Variants in GGA3 observed in about 807,000 individuals in gnomAD.
The protein encoded by GGA3 is golgi associated, gamma adaptin ear containing, ARF binding protein 3.
In GGA3, 57 loss-of-function variants were observed where a neutral mutation model predicts 77.5. That is an observed-to-expected ratio of 0.74 (90% CI 0.59 to 0.92). GGA3 has a LOEUF of 0.92. GGA3 is among the 40% of genes least tolerant of loss of function. GGA3 has a pLI of 0.00. For missense variants in GGA3, 970 were observed against 914.9 expected, an observed-to-expected ratio of 1.06 and a Z score of -0.78; for synonymous variants, 416 against 383.7, an observed-to-expected ratio of 1.08 and a Z score of -0.98.
At chr17:75,242,803 C>T (rs1214071024) in intron 7 of GGA3, 28 bp downstream of exon 7, 3 of 1,571,158 alleles carry the variant, frequency 1.9e-6, no homozygotes, top group East Asian at 2.2e-5. Flanking sequence ...TCCTCCACCC[C>T]GTGCCTGAAG....
chr17:75,247,138 T>C (rs143987076), intron 1 of GGA3, among the ~76,000 whole-genome samples: 4 of 151,852 alleles, frequency 2.6e-5, no homozygotes, highest in African/African-American at 7.2e-5. Context: ...GTAAAGATAA[T>C]AAAGGGAACT....
chr17:75,237,909 T>G lies in GGA3; in HGVS notation c.*370A>C. On this transcript the variant is annotated 3_prime_UTR_variant, in exon 17 of 17. Transcript: ENST00000537686. ...GGGAATGACCCATGACAGTCTCTCT[T>G]TAGAGACTCCCACCCCCCACCCCCC... 1.6e-6 allele frequency: 2 copies of G among 1,257,244 alleles called. No individual in the cohort carries two copies. Among genetic ancestry groups the G allele is most frequent in the Non-Finnish European group, 1.0e-6 (1 of 994,528 alleles). 77.9% of individuals were successfully genotyped at this position (1,257,244 alleles called of 1,614,324 possible). A position where few individuals can be genotyped will look rare whatever the true frequency, so the allele number is the denominator to read the frequency against.
At position 75,237,240 on chromosome 17, in the gene GGA3, C is replaced by A. The variant is rs780523855; in HGVS notation, c.*1039G>T. The A allele has an allele frequency of 8.2e-5, 49 of 597,486 alleles. No individual in the cohort carries two copies. The highest frequency in any genetic ancestry group is 1.3e-4 in the Non-Finnish European group (45 of 334,482). 37.0% of individuals were successfully genotyped at this position (597,486 alleles called of 1,614,324 possible). A position where few individuals can be genotyped will look rare whatever the true frequency, so the allele number is the denominator to read the frequency against. Reference sequence around the variant, plus strand: ...CTCATCACCTCCAGACCCAACATCTCGCTGACAGTGCCCCTCAGTAGCTGG... The same window carrying A: ...CTCATCACCTCCAGACCCAACATCTAGCTGACAGTGCCCCTCAGTAGCTGG... On this transcript the variant is annotated 3_prime_UTR_variant, in exon 17 of 17. Transcript: ENST00000537686.
At chr17:75,253,083 T>C (rs1176236291) in intron 1 of GGA3, among the ~76,000 whole-genome samples, 1 of 152,164 alleles carries the variant, frequency 6.6e-6, no homozygotes, top group African/African-American at 2.4e-5. Context: ...TCGCGGGACC[T>C]CCCTTGGGAG....
chr17:75,239,161 G>C, intron 14 of GGA3, 78 bp from the exon 15 acceptor site: 1 of 1,354,646 alleles, frequency 7.4e-7, no homozygotes, highest in Non-Finnish European at 1.0e-6. Flanking sequence ...GGAGAAAAGG[G>C]CTACTCCGTG....
In GGA3 at chr17:75,240,035, A is replaced by G; in HGVS notation, c.1337T>C (p.Leu446Pro). The change falls in exon 13 of 17, where the codon CTG (leucine) becomes CCG (proline). Residue 446 changes from leucine (L) to proline (P), a missense_variant. Coordinates refer to ENST00000537686, the MANE Select transcript of GGA3 (RefSeq NM_138619.4). ...TGAGGAGGGGGCTGAGGGCTGGAGCAGAGGAGCATCGGAGGCGCCACAGGC... is the reference window on the plus strand; with the variant it reads ...TGAGGAGGGGGCTGAGGGCTGGAGCGGAGGAGCATCGGAGGCGCCACAGGC... The part of the protein sequence containing the change: ...TAACGASDAP[L>P]LQPSAPSSSS... 1.9e-6 allele frequency: 3 copies of G among 1,552,250 alleles called. No homozygotes were observed. The highest frequency in any genetic ancestry group is 1.2e-5 in the South Asian group (1 of 84,282).
intron 1 of GGA3, among the ~76,000 whole-genome samples, chr17:75,258,796 G>A (rs987922616): frequency 6.7e-6 from 1 of 149,308 alleles, no homozygotes; most frequent in African/African-American, 2.4e-5. Context: ...GCCCCAAACA[G>A]GTTTGCTCTC....
intron 1 of GGA3, among the ~76,000 whole-genome samples, chr17:75,247,231 C>G (rs1462943951): frequency 6.6e-6 from 1 of 151,318 alleles, no homozygotes; most frequent in Non-Finnish European, 1.5e-5. Flanking sequence ...TCAGACTGAA[C>G]TAGATAAAAA....
In GGA3 at chr17:75,241,386, C is replaced by T. The variant is rs1254078568; in HGVS notation, c.946+14G>A. 3 of 1,525,442 alleles carry T rather than the reference C, an allele frequency of 2.0e-6. No individual in the cohort carries two copies. The highest frequency in any genetic ancestry group is 2.7e-6 in the Non-Finnish European group (3 of 1,100,248). The allele number at this position is 1,525,442 out of a possible 1,614,324, so 94.5% of individuals were successfully genotyped here. A position where few individuals can be genotyped will look rare whatever the true frequency, so the allele number is the denominator to read the frequency against. On this transcript the variant is annotated intron_variant, in intron 10 of 16. Coordinates refer to ENST00000537686, the MANE Select transcript of GGA3 (RefSeq NM_138619.4). The stretch of plus-strand genomic sequence containing the variant: ...GTCTGGAGGAGCCTAGAGTTGGGGA[C>T]CAGAGCATCTCACCTTCCGAGTCAG...
chr17:75,245,813 TGC>T (rs142498262), intron 3 of GGA3, among the ~76,000 whole-genome samples: 17,021 of 152,234 alleles, frequency 0.11, 2,711 homozygotes, highest in African/African-American at 0.35. Flanking sequence ...CAAGCCACCG[TGC>T]CCTGCTGAGA....
intron 11 of GGA3, 64 bp downstream of exon 11, chr17:75,240,748 T>G (rs923322890): frequency 2.0e-6 from 3 of 1,521,964 alleles, no homozygotes; most frequent in Non-Finnish European, 2.6e-6. Flanking sequence ...GGCTCCTAAT[T>G]CCACACACCC....
rs775658435 is a variant in GGA3 at position 75,240,921 on chromosome 17, C to T, written c.1083G>A (p.Gln361=). Residue 361 remains glutamine (Q), a synonymous_variant, in exon 11 of 17, where the codon CAG becomes CAA. Transcript: ENST00000537686. ...AGCGGCTCCGTGGAGGTCCTGAGGC[C>T]TGGGGTGGTGGAGGGAGGATTGGGA... ...SGIPILPPPP[Q]ASGPPRSRSS... 1.9e-6 allele frequency: 3 copies of T among 1,613,710 alleles called. No individual in the cohort carries two copies. Among genetic ancestry groups the T allele is most frequent in the Non-Finnish European group, 2.5e-6 (3 of 1,179,862 alleles).
rs2076364612 is a variant in GGA3 at position 75,237,612 on chromosome 17, C to T, written c.*667G>A. On this transcript the variant is annotated 3_prime_UTR_variant, in exon 17 of 17. Transcript: ENST00000537686. ...CCTGTCATGAGGCCAAATTCCATGTCCTGCCAAGATGTCCATAGGACACAG... is the reference window on the plus strand; with the variant it reads ...CCTGTCATGAGGCCAAATTCCATGTTCTGCCAAGATGTCCATAGGACACAG... 3.9e-6 allele frequency: 6 copies of T among 1,529,850 alleles called. No homozygotes were observed. Among genetic ancestry groups the T allele is most frequent in the African/African-American group, 2.7e-5 (2 of 73,112 alleles). The allele number at this position is 1,529,850 out of a possible 1,614,324, so 94.8% of individuals were successfully genotyped here.
chr17:75,261,618 A>C, upstream of GGA3: 1 of 1,527,964 alleles, frequency 6.5e-7, no homozygotes, highest in African/African-American at 1.4e-5. Flanking sequence ...CGGCTTCAAA[A>C]CTCGCGAGAG....
In GGA3 at chr17:75,241,686, T is replaced by A; in HGVS notation, c.758A>T (p.Asp253Val). The change falls in exon 9 of 17, where the codon GAT becomes GTT. Residue 253 changes from aspartate (D) to valine (V), a missense_variant. Coordinates refer to ENST00000537686, the MANE Select transcript of GGA3 (RefSeq NM_138619.4). The stretch of plus-strand genomic sequence containing the variant: ...AGTCCGCCTCTTGTTCTCACACTGA[T>A]CAAACAGCTCCTGAAAGAGACTCGG... ...GDRELMKELF[D>V]QCENKRRTLF... 6.2e-7 allele frequency: 1 copy of A among 1,613,820 alleles called. No homozygotes were observed. The highest frequency in any genetic ancestry group is 8.5e-7 in the Non-Finnish European group (1 of 1,179,756).
intron 8 of GGA3, 38 bp from the exon 9 acceptor site, chr17:75,241,734 G>GCCC: frequency 1.3e-6 from 2 of 1,538,766 alleles, no homozygotes; most frequent in Non-Finnish European, 1.8e-6. Context: ...AACCACAAAG[G>GCCC]CCCTTAGAGA....
In GGA3 at chr17:75,238,062, C is replaced by A. The variant is rs749469952; in HGVS notation, c.*217G>T. ...CACCCCTGACAGCATATGGCCACTT[C>A]AAGTCACACAGGTAGATAAAAACAG... On this transcript the variant is annotated 3_prime_UTR_variant, in exon 17 of 17. Coordinates refer to ENST00000537686, the MANE Select transcript of GGA3 (RefSeq NM_138619.4). The A allele has an allele frequency of 8.8e-5, 121 of 1,371,782 alleles. No homozygotes were observed. The highest frequency in any genetic ancestry group is 1.1e-4 in the Non-Finnish European group (117 of 1,065,252). The allele number at this position is 1,371,782 out of a possible 1,614,324, so 85.0% of individuals were successfully genotyped here.
rs116149573 is a variant in GGA3 at position 75,250,200 on chromosome 17, G to A, written c.41-3404C>T. On this transcript the variant is annotated intron_variant, in intron 1 of 16. Coordinates refer to ENST00000537686, the MANE Select transcript of GGA3 (RefSeq NM_138619.4). ...ACCCACTCAACATTTCCTTCACCTG[G>A]CATAGAGGTGACACCCGAGCTTCCC... Among the ~76,000 whole-genome samples, 531 of 152,258 alleles carry A rather than the reference G, an allele frequency of 3.5e-3. 3 individuals carry two copies. Among genetic ancestry groups the A allele is most frequent in the African/African-American group, 0.012 (510 of 41,564 alleles).
chr17:75,249,839 T>C (rs969960637), intron 1 of GGA3, among the ~76,000 whole-genome samples: 2 of 152,202 alleles, frequency 1.3e-5, no homozygotes, highest in Admixed American at 1.3e-4. Context: ...CGTTATCTTC[T>C]TCCCAAGTCT....
Sources: gnomAD v4.1 joint callset for allele counts (sites outside exome capture counted in the v4.1 genomes callset) on GRCh38, gnomAD v4.1.1 for gene constraint, MANE v1.5 for transcripts, NCBI Gene and HGNC (gene_info 2026-07-23, HGNC 2026-07-21) for gene names.